SLC6A20: variants seen among roughly 807,000 people sequenced by gnomAD.
The protein encoded by SLC6A20 is solute carrier family 6 member 20, also known as sodium- and chloride-dependent transporter XTRP3.
In SLC6A20, 73 loss-of-function variants were observed where a neutral mutation model predicts 64.3. The observed-to-expected ratio is 1.14, with a 90% CI of 0.94 to 1.38. The LOEUF (loss-of-function observed/expected upper bound fraction) is 1.38, where lower values mean the gene tolerates loss of function less well. SLC6A20 is among the 40% of genes most tolerant of loss of function. The pLI is 0.00. For synonymous variants in SLC6A20, 347 were observed against 329.6 expected (o/e 1.05, Z -0.57); for missense variants, 725 against 772.8 (o/e 0.94, Z 0.73).
At chr3:45,760,236 G>A (rs911198574) in intron 9 of SLC6A20, among the ~76,000 whole-genome samples, 1 of 152,204 alleles carries the variant, frequency 6.6e-6, no homozygotes, top group Non-Finnish European at 1.5e-5. Flanking sequence ...AGGGATGACG[G>A]AGCAAGCAAC....
chr3:45,759,835 G>A lies in SLC6A20; in HGVS notation c.1629+22C>T, dbSNP rs1575422521. The A allele has an allele frequency of 1.2e-5, 20 of 1,601,308 alleles. No individual in the cohort carries two copies. The African/African-American group carries it at 1.5e-4, about 12-fold the overall frequency. ...CAGTGGCCATGGGGGCCCAGCGCCA[G>A]CCCTACGGAGACAGTAGATACCTGG... On this transcript the variant is annotated intron_variant, in intron 10 of 10. Transcript: ENST00000358525.
At position 45,759,885 on chromosome 3, in the gene SLC6A20, A is replaced by C. The variant is rs1553659698; in HGVS notation, c.1601T>G (p.Leu534Arg). The change falls in exon 10 of 11, where the codon CTG becomes CGG. Residue 534 changes from leucine to arginine, a missense_variant. Physicochemically the swap from Leu to Arg is moderately radical, Grantham distance 102 (BLOSUM62 -2). Transcript: ENST00000358525. ...YLSDYILTGTLKYQAWDASQG... is the reference protein window; with the variant it reads ...YLSDYILTGTRKYQAWDASQG... The stretch of plus-strand genomic sequence containing the variant: ...GGAGGCGTCCCAGGCTTGATACTTC[A>C]GGGTCCCCGTGAGGATGTAGTCGCT... The C allele has an allele frequency of 4.3e-6, 7 of 1,614,090 alleles. No homozygotes were observed. Among genetic ancestry groups the C allele is most frequent in the Non-Finnish European group, 5.9e-6 (7 of 1,179,988 alleles).
chr3:45,776,008 G>A lies in SLC6A20; in HGVS notation c.355-20C>T. 6.2e-7 allele frequency: 1 copy of A among 1,611,724 alleles called. No individual in the cohort carries two copies. The highest frequency in any genetic ancestry group is 8.5e-7 in the Non-Finnish European group (1 of 1,177,948). ...GGGATCCTGTGGGACCAAAGCAAGTGTTATCCAGGGAGGTGAAGGCTGAGG... is the reference window on the plus strand; with the variant it reads ...GGGATCCTGTGGGACCAAAGCAAGTATTATCCAGGGAGGTGAAGGCTGAGG... On this transcript the variant is annotated intron_variant, in intron 3 of 10. Transcript: ENST00000358525.
chr3:45,781,406 T>C (rs1319830374), intron 2 of SLC6A20, among the ~76,000 whole-genome samples: 1 of 151,996 alleles, frequency 6.6e-6, no homozygotes, highest in Non-Finnish European at 1.5e-5. Context: ...GTGGGAGGGG[T>C]GAGCATCACA....
At chr3:45,791,563 T>C (rs1173507915) in intron 1 of SLC6A20, 1 of 152,378 alleles carries the variant, frequency 6.6e-6, no homozygotes, top group Non-Finnish European at 1.5e-5. Flanking sequence ...TATCAGTCTG[T>C]TCTCACACTG....
chr3:45,764,120 C>A (rs941241529), intron 8 of SLC6A20, among the ~76,000 whole-genome samples: 2 of 152,130 alleles, frequency 1.3e-5, no homozygotes, highest in African/African-American at 4.8e-5. Flanking sequence ...GTGTAGGCCA[C>A]AGGGTCCTTG....
At chr3:45,762,856 G>T (rs1245937937) in intron 9 of SLC6A20, 57 bp downstream of exon 9, 1 of 1,599,708 alleles carries the variant, frequency 6.3e-7, no homozygotes, top group Non-Finnish European at 8.6e-7. Context: ...TCCTTGAGGG[G>T]CGTGGCCTCT....
At chr3:45,764,600 G>T (rs1699742263) in intron 8 of SLC6A20, among the ~76,000 whole-genome samples, 1 of 151,672 alleles carries the variant, frequency 6.6e-6, no homozygotes, top group South Asian at 2.1e-4. Flanking sequence ...TACTCAGGAG[G>T]ATGAGGCACG....
rs886058547 is a variant in SLC6A20 at position 45,796,485 on chromosome 3, G to C, written c.-66C>G. 7.3e-6 allele frequency: 11 copies of C among 1,499,322 alleles called. No homozygotes were observed. The highest frequency in any genetic ancestry group is 2.1e-5 in the Admixed American group (1 of 48,624). 92.9% of individuals were successfully genotyped at this position (1,499,322 alleles called of 1,614,324 possible). A position where few individuals can be genotyped will look rare whatever the true frequency, so the allele number is the denominator to read the frequency against. ...GGCACGGCAGTCTCAGTGCGCGGTC[G>C]CCAGGCGCGCCGTCCCACCCCGGCT... On this transcript the variant is annotated 5_prime_UTR_variant, in exon 1 of 11. Coordinates refer to ENST00000358525, the MANE Select transcript of SLC6A20 (RefSeq NM_020208.4).
chr3:45,795,669 C>T (rs935063192), intron 1 of SLC6A20, among the ~76,000 whole-genome samples: 1 of 152,146 alleles, frequency 6.6e-6, no homozygotes, highest in Non-Finnish European at 1.5e-5. Context: ...TAGGGGAGTG[C>T]GGTAAGAGCG....
intron 6 of SLC6A20, among the ~76,000 whole-genome samples, chr3:45,770,759 TATTTAAATGTGAATTAAGTTGCATTG>T (rs1699849263): frequency 6.6e-6 from 1 of 152,264 alleles, no homozygotes; most frequent in South Asian, 2.1e-4. Flanking sequence ...TGAATTAAGT[TATTTAAATGTGAATTAAGTTGCATTG>T]ATTTAAATGT....
intron 3 of SLC6A20, among the ~76,000 whole-genome samples, chr3:45,777,858 C>T (rs573201892): frequency 9.2e-5 from 14 of 152,242 alleles, no homozygotes; most frequent in East Asian, 5.8e-4. Context: ...CTTGGCTACA[C>T]GACTAAGGCA....
chr3:45,770,741 C>T (rs749745256), intron 6 of SLC6A20, among the ~76,000 whole-genome samples: 2 of 152,204 alleles, frequency 1.3e-5, no homozygotes, highest in Non-Finnish European at 2.9e-5. Flanking sequence ...AGGGAATGTA[C>T]TGAAATATGA....
rs147310206 is a variant in SLC6A20 at position 45,795,000 on chromosome 3, G to A, written c.121+1299C>T. On this transcript the variant is annotated intron_variant, in intron 1 of 10. Transcript: ENST00000358525. ...CTTTTGTTGATTTGGGGTAAGGGGA[G>A]GAGGGAGCAGTGTTTAGCTCTTGGT... Among the ~76,000 whole-genome samples, 687 of 152,270 alleles carry A rather than the reference G, an allele frequency of 4.5e-3. 5 individuals are homozygous for A. Among genetic ancestry groups the A allele is most frequent in the African/African-American group, 0.016 (653 of 41,562 alleles).
chr3:45,785,999 C>G (rs1375397920), intron 1 of SLC6A20, among the ~76,000 whole-genome samples: 2 of 152,186 alleles, frequency 1.3e-5, no homozygotes, highest in African/African-American at 4.8e-5. Context: ...AGCTCAGCAC[C>G]CACTACCAGG....
At chr3:45,760,050 T>C (rs1429745583) in intron 9 of SLC6A20, 28 bp from the exon 10 acceptor site, 10 of 1,597,658 alleles carry the variant, frequency 6.3e-6, no homozygotes, top group Admixed American at 1.7e-5. Flanking sequence ...AGAGAAAGTC[T>C]GGATTAACCA....
At chr3:45,796,186 T>G in intron 1 of SLC6A20, 113 bp downstream of exon 1, 1 of 1,490,456 alleles carries the variant, frequency 6.7e-7, no homozygotes, top group Non-Finnish European at 9.0e-7. Context: ...CAAATCACGC[T>G]CGCTTTCCCG....
At chr3:45,772,671 G>A in intron 4 of SLC6A20, 56 bp from the exon 5 acceptor site, 1 of 1,412,450 alleles carries the variant, frequency 7.1e-7, no homozygotes, top group Non-Finnish European at 9.9e-7. Flanking sequence ...CCACAGGACA[G>A]ACCCATGCCC....
chr3:45,763,120 A>C lies in SLC6A20; in HGVS notation c.1304-48T>G, dbSNP rs754483998. 11 of 1,608,536 alleles carry C rather than the reference A, an allele frequency of 6.8e-6. No individual in the cohort carries two copies. In the East Asian group the frequency reaches 2.5e-4, roughly 36 times the overall value. On this transcript the variant is annotated intron_variant, in intron 8 of 10. Transcript: ENST00000358525. ...CTCACCTGCCCGAGACCCCCCCACT[A>C]CTGCTTACCAGTTCTCTACAGGACA...
Sources: gnomAD v4.1 joint callset for allele counts (sites outside exome capture counted in the v4.1 genomes callset) on GRCh38, gnomAD v4.1.1 for gene constraint, MANE v1.5 for transcripts, NCBI Gene and HGNC (gene_info 2026-07-23, HGNC 2026-07-21) for gene names.